LRRC4C: variants seen among roughly 807,000 people sequenced by gnomAD.
LRRC4C encodes the protein leucine rich repeat containing 4C.
In LRRC4C, 5 loss-of-function variants were observed where a neutral mutation model predicts 33.6. The observed-to-expected ratio is 0.15, with a 90% CI of 0.08 to 0.31. The LOEUF (loss-of-function observed/expected upper bound fraction) is 0.31, where lower values mean the gene tolerates loss of function less well. Ranked by LOEUF, LRRC4C falls within the 10% of genes least tolerant of loss-of-function variation. The probability of loss-of-function intolerance (pLI) is 1.00; values close to 1 mark genes in which losing one functional copy is unlikely to be tolerated. For synonymous variants in LRRC4C, 329 were observed against 302.0 expected (o/e 1.09, Z -0.93); for missense variants, 560 against 796.7 (o/e 0.70, Z 3.58).
At chr11:40,152,757 C>G (rs147752740) in intron 5 of LRRC4C, among the ~76,000 whole-genome samples, 3 of 152,094 alleles carry the variant, frequency 2.0e-5, no homozygotes, top group African/African-American at 7.2e-5. Context: ...GGGAATCTCA[C>G]CCCCATCCCC....
chr11:41,326,127 G>T (rs1359426189), intron 1 of LRRC4C, among the ~76,000 whole-genome samples: 1 of 152,066 alleles, frequency 6.6e-6, no homozygotes, highest in South Asian at 2.1e-4. Flanking sequence ...CAATCTTGGT[G>T]GGCGCCATCT....
chr11:40,354,058 G>T (rs900083070), intron 3 of LRRC4C, among the ~76,000 whole-genome samples: 5 of 152,152 alleles, frequency 3.3e-5, no homozygotes, highest in Non-Finnish European at 7.4e-5. Context: ...TATTGCAGCT[G>T]TATCTGCATA....
chr11:40,874,582 A>T (rs1954799133), intron 2 of LRRC4C, among the ~76,000 whole-genome samples: 1 of 152,174 alleles, frequency 6.6e-6, no homozygotes, highest in Non-Finnish European at 1.5e-5. Context: ...TCAGAAGAGC[A>T]CCTACCTACC....
chr11:41,452,392 A>T (rs1956055184), intron 1 of LRRC4C, among the ~76,000 whole-genome samples: 1 of 152,154 alleles, frequency 6.6e-6, no homozygotes, highest in Non-Finnish European at 1.5e-5. Context: ...TCAAAAACAG[A>T]TAAAATATAA....
intron 2 of LRRC4C, among the ~76,000 whole-genome samples, chr11:40,681,119 C>A (rs879860677): frequency 2.0e-5 from 3 of 152,122 alleles, no homozygotes; most frequent in Non-Finnish European, 4.4e-5. Flanking sequence ...TCAAGTGATA[C>A]TTCCCTAGGC....
At chr11:41,279,135 G>C (rs1162911831) in intron 1 of LRRC4C, among the ~76,000 whole-genome samples, 1 of 152,108 alleles carries the variant, frequency 6.6e-6, no homozygotes, top group Non-Finnish European at 1.5e-5. Flanking sequence ...TGAAGTACAA[G>C]ATTTTGTTCT....
At chr11:41,326,588 T>TG (rs1486989764) in intron 1 of LRRC4C, among the ~76,000 whole-genome samples, 3 of 152,192 alleles carry the variant, frequency 2.0e-5, no homozygotes, top group African/African-American at 7.2e-5. Context: ...AATTTAAAAA[T>TG]GCTTTGTGAT....
At chr11:40,139,200 G>T (rs190432599) in intron 6 of LRRC4C, among the ~76,000 whole-genome samples, 3 of 152,056 alleles carry the variant, frequency 2.0e-5, no homozygotes, top group Admixed American at 2.0e-4. Flanking sequence ...GAGTGCTAGA[G>T]AGAAAAACAG....
intron 2 of LRRC4C, among the ~76,000 whole-genome samples, chr11:40,796,654 TTTTTTA>T: frequency 7.4e-6 from 1 of 134,966 alleles, no homozygotes; most frequent in African/African-American, 3.3e-5. Context: ...TTTTTTTTTT[TTTTTTA>T]TTTTGAGACA....
intron 2 of LRRC4C, among the ~76,000 whole-genome samples, chr11:40,847,277 T>C (rs1200954552): frequency 3.9e-5 from 6 of 152,204 alleles, no homozygotes; most frequent in African/African-American, 1.4e-4. Flanking sequence ...ATATTGGCTG[T>C]AGGTTTGTCA....
chr11:40,845,928 C>A (rs190762488), intron 2 of LRRC4C, among the ~76,000 whole-genome samples: 1 of 152,092 alleles, frequency 6.6e-6, no homozygotes, highest in East Asian at 1.9e-4. Context: ...TTTCTAATGA[C>A]CAGTGATGAT....
chr11:40,294,724 G>A (rs921769069), intron 4 of LRRC4C, among the ~76,000 whole-genome samples: 3 of 152,136 alleles, frequency 2.0e-5, no homozygotes, highest in Non-Finnish European at 4.4e-5. Context: ...CTACTCGGGA[G>A]ACTGAGGCAG....
intron 5 of LRRC4C, among the ~76,000 whole-genome samples, chr11:40,177,666 A>G (rs917903788): frequency 2.0e-5 from 3 of 152,120 alleles, no homozygotes; most frequent in Admixed American, 1.3e-4. Context: ...TCAAAATTTT[A>G]TACTTTATCT....
intron 2 of LRRC4C, among the ~76,000 whole-genome samples, chr11:40,926,251 C>T (rs1040996547): frequency 6.6e-6 from 1 of 152,146 alleles, no homozygotes; most frequent in Non-Finnish European, 1.5e-5. Context: ...TTCCTTCTGT[C>T]CTGTGACCTC....
chr11:41,334,081 G>A (rs1430317432), intron 1 of LRRC4C, among the ~76,000 whole-genome samples: 1 of 152,186 alleles, frequency 6.6e-6, no homozygotes, highest in Admixed American at 6.5e-5. Context: ...CAGCCTAGAT[G>A]TGCAGCTAGA....
intron 3 of LRRC4C, among the ~76,000 whole-genome samples, chr11:40,379,529 T>C (rs1055631511): frequency 6.6e-6 from 1 of 152,212 alleles, no homozygotes; most frequent in Non-Finnish European, 1.5e-5. Flanking sequence ...ACTTTTATCT[T>C]TCAAAGCTGA....
At chr11:40,463,016 A>C (rs978591069) in intron 3 of LRRC4C, among the ~76,000 whole-genome samples, 2 of 152,086 alleles carry the variant, frequency 1.3e-5, no homozygotes, top group Admixed American at 1.3e-4. Flanking sequence ...GTCACCAACA[A>C]GTCCTACGAT....
intron 1 of LRRC4C, among the ~76,000 whole-genome samples, chr11:41,201,256 T>C (rs1038150773): frequency 2.0e-5 from 3 of 152,194 alleles, no homozygotes; most frequent in Non-Finnish European, 2.9e-5. Flanking sequence ...CGAGTCTCTA[T>C]TTAAAGAAAC....
intron 3 of LRRC4C, among the ~76,000 whole-genome samples, chr11:40,533,481 TG>T (rs55804011): frequency 1 from 152,166 of 152,166 alleles, 76,083 homozygotes; most frequent in Non-Finnish European, 1. Flanking sequence ...TGATTGAGTG[TG>T]GGGGAGAATT....
Sources: allele counts gnomAD v4.1 joint callset (sites outside exome capture counted in the v4.1 genomes callset), GRCh38; gene constraint gnomAD v4.1.1; transcripts MANE v1.5; gene names NCBI Gene and HGNC (gene_info 2026-07-23, HGNC 2026-07-21).